The following GLI1 variants were observed in gnomAD, a reference collection of about 807,000 sequenced individuals.
GLI1 encodes the protein transcription activator GLI1.
A neutral mutation model predicts 87.8 loss-of-function variants in GLI1; 51 were observed. That is an observed-to-expected ratio of 0.58 (90% CI 0.46 to 0.73). The LOEUF is 0.73. GLI1 is among the 30% of genes least tolerant of loss of function. The pLI is 0.00. For synonymous variants in GLI1, 528 were observed against 558.2 expected, an observed-to-expected ratio of 0.95 and a Z score of 0.76; for missense variants, 1,292 against 1,437.2, an observed-to-expected ratio of 0.90 and a Z score of 1.63.
Position 57,466,233 on chromosome 12 carries a change from C to A in GLI1, c.763-7C>A, listed in dbSNP as rs1218899868. The stretch of plus-strand genomic sequence containing the variant: ...GCCTTGGAGAGCCTTTGTATCTTCT[C>A]CCTCAGCACATCAACAGCGAGCACA... On this transcript the variant is annotated splice_polypyrimidine_tract_variant and splice_region_variant and intron_variant, in intron 7 of 11. Coordinates refer to ENST00000228682, the MANE Select transcript of GLI1 (RefSeq NM_005269.3). 6.2e-7 allele frequency: 1 copy of A among 1,610,958 alleles called. No individual in the cohort carries two copies. The highest frequency in any genetic ancestry group is 1.7e-4 in the Middle Eastern group (1 of 6,034).
At chr12:57,464,309 G>A (rs1369003630) in intron 3 of GLI1, among the ~76,000 whole-genome samples, 2 of 152,160 alleles carry the variant, frequency 1.3e-5, no homozygotes, top group African/African-American at 2.4e-5. Context: ...ATCGCTTGAG[G>A]TCGGGAATTC....
At position 57,467,347 on chromosome 12, in the gene GLI1, G is replaced by A. The variant is rs780675361; in HGVS notation, c.927G>A (p.Arg309=). The A allele has an allele frequency of 2.9e-5, 47 of 1,608,744 alleles. No homozygotes were observed. In the South Asian group the frequency reaches 4.9e-4, roughly 17 times the overall value. ...ATGTCCCCCAGTTTGAAGGGTGCCG[G>A]AAGTCATACTCACGCCTCGAAAACC... ...KPHKCTFEGC[R]KSYSRLENLK... The change falls in exon 9 of 12, where the codon CGG becomes CGA. Residue 309 remains arginine, a synonymous_variant. Coordinates refer to ENST00000228682, the MANE Select transcript of GLI1 (RefSeq NM_005269.3).
At position 57,471,992 on chromosome 12, in the gene GLI1, T is replaced by C; in HGVS notation, c.3252T>C (p.Ala1084=). The change falls in exon 12 of 12, where the codon GCT becomes GCC. Residue 1084 remains alanine, a synonymous_variant. Transcript: ENST00000228682. The surrounding 1 kb of genome is among the most constrained non-coding windows in gnomAD (Gnocchi z 4.9). ...TPPPSGPPNM[A]VGNMSVLLRS... ...CTCCCTCTGGGCCCCCCAACATGGC[T>C]GTGGGCAACATGAGTGTCTTACTGA... 3 of 1,575,436 alleles carry C rather than the reference T, an allele frequency of 1.9e-6. No individual in the cohort carries two copies. Among genetic ancestry groups the C allele is most frequent in the Non-Finnish European group, 2.6e-6 (3 of 1,163,486 alleles).
At chr12:57,461,379 G>C (rs935223534) in intron 1 of GLI1, among the ~76,000 whole-genome samples, 2 of 152,000 alleles carry the variant, frequency 1.3e-5, no homozygotes, top group Admixed American at 1.3e-4. Context: ...GTCACCAGGG[G>C]GTTCCCGGGG....
At chr12:57,468,434 C>T (rs1281449134) in intron 10 of GLI1, among the ~76,000 whole-genome samples, 2 of 151,874 alleles carry the variant, frequency 1.3e-5, no homozygotes. Flanking sequence ...CTCTTTCTCT[C>T]TCTCCTTCCT....
intron 8 of GLI1, among the ~76,000 whole-genome samples, chr12:57,466,839 G>A (rs11837270): frequency 0.062 from 9,439 of 152,168 alleles, 631 homozygotes; most frequent in African/African-American, 0.16. Flanking sequence ...AGGAGGTGGA[G>A]GTTGCAGTGA....
At position 57,470,405 on chromosome 12, in the gene GLI1, C is replaced by G. The variant is rs757646785; in HGVS notation, c.1665C>G (p.Val555=). The stretch of plus-strand genomic sequence containing the variant: ...GCAGCATCAGCTCTGCCTATACTGT[C>G]AGCCGCCGCTCCTCCCTGGCCTCTC... ...SSSSISSAYT[V]SRRSSLASPF... Residue 555 remains valine (V), a synonymous_variant, in exon 12 of 12, where the codon GTC becomes GTG. Coordinates refer to ENST00000228682, the MANE Select transcript of GLI1 (RefSeq NM_005269.3). 6.2e-7 allele frequency: 1 copy of G among 1,613,910 alleles called. No individual in the cohort carries two copies. The highest frequency in any genetic ancestry group is 2.2e-5 in the East Asian group (1 of 44,888).
chr12:57,471,030 A>G lies in GLI1; in HGVS notation c.2290A>G (p.Asn764Asp), dbSNP rs1871879577. ...GPGPPTNYGP[N>D]PCPQQASYPD... is the part of the protein sequence containing the mutation. ...TGGTCCACCCACCAACTATGGCCCC[A>G]ACCCCTGTCCCCAGCAGGCCTCATA... The change falls in exon 12 of 12, where the codon AAC becomes GAC. Residue 764 changes from asparagine (N) to aspartate (D), a missense_variant. Physicochemically the swap from Asn to Asp is conservative, Grantham distance 23. Around this residue, in one of 3 missense-constraint regions of GLI1, gnomAD observed 897 missense variants for 1,040.7 expected, o/e 0.86. Transcript: ENST00000228682. The surrounding 1 kb of genome is among the most constrained non-coding windows in gnomAD (Gnocchi z 4.9). The G allele has an allele frequency of 6.2e-7, 1 of 1,610,564 alleles. No homozygotes were observed. The highest frequency in any genetic ancestry group is 8.5e-7 in the Non-Finnish European group (1 of 1,178,258).
In GLI1 at chr12:57,465,263, T is replaced by TC. The variant is rs1194833814; in HGVS notation, c.534+12dup. The TC allele has an allele frequency of 6.3e-7, 1 of 1,586,958 alleles. No homozygotes were observed. On this transcript the variant is annotated intron_variant, in intron 5 of 11. Transcript: ENST00000228682. Reference sequence around the variant, plus strand: ...CCCTTCCCAACTTGCCAGGTGAGAGTCCCCATATTGCTACCTGATTTCCCT... The same window carrying TC: ...CCCTTCCCAACTTGCCAGGTGAGAGTCCCCCATATTGCTACCTGATTTCCCT...
Position 57,471,639 on chromosome 12 carries a change from C to T in GLI1, c.2899C>T (p.Pro967Ser), listed in dbSNP as rs750955978. The change falls in exon 12 of 12, where the codon CCT (proline) becomes TCT (serine). Residue 967 changes from proline to serine, a missense_variant. Physicochemically the swap from Pro to Ser is moderately conservative, Grantham distance 74. This residue lies in a region of GLI1 where 897 missense variants were observed against 1,040.7 expected (regional missense o/e 0.86). Coordinates refer to ENST00000228682, the MANE Select transcript of GLI1 (RefSeq NM_005269.3). This position sits in a 1 kb window ranked among gnomAD's most constrained non-coding sequence, Gnocchi z 4.9. ...PNHKSGSYPT[P>S]SPCHENFVVG... ...TCACAAGTCAGGTTCCTATCCCACC[C>T]CTTCACCATGCCATGAAAATTTTGT... 9.3e-6 allele frequency: 15 copies of T among 1,613,502 alleles called. No homozygotes were observed. The highest frequency in any genetic ancestry group is 1.7e-5 in the Admixed American group (1 of 59,902).
In GLI1 at chr12:57,466,295, G is replaced by C. The variant is rs1486673896; in HGVS notation, c.818G>C (p.Gly273Ala). ...CGGAAGGAGTTCGTGTGCCACTGGG[G>C]GGGCTGCTCCAGGGAGCTGAGGCCC... ...GERKEFVCHW[G>A]GCSRELRPFK... The change falls in exon 8 of 12, where the codon GGG becomes GCG. Residue 273 changes from glycine to alanine, a missense_variant. Gly to Ala is a moderately conservative substitution (Grantham distance 60). This residue lies in a region of GLI1 where 383 missense variants were observed against 368.4 expected (regional missense o/e 1.04). Coordinates refer to ENST00000228682, the MANE Select transcript of GLI1 (RefSeq NM_005269.3). 1 of 1,614,048 alleles carries C rather than the reference G, an allele frequency of 6.2e-7. No homozygotes were observed. Among genetic ancestry groups the C allele is most frequent in the Non-Finnish European group, 8.5e-7 (1 of 1,179,970 alleles).
rs1031327628 is a variant in GLI1 at position 57,472,205 on chromosome 12, G to A, written c.*144G>A. ...TGGGGGCTATGTATAGTCTGTATAC[G>A]TTTTGAGGAGAAATTTGATAATGAC... On this transcript the variant is annotated 3_prime_UTR_variant, in exon 12 of 12. Coordinates refer to ENST00000228682, the MANE Select transcript of GLI1 (RefSeq NM_005269.3). 8 of 626,382 alleles carry A rather than the reference G, an allele frequency of 1.3e-5. No individual in the cohort carries two copies. The highest frequency in any genetic ancestry group is 4.6e-5 in the South Asian group (2 of 43,016). The allele number at this position is 626,382 out of a possible 1,614,324, so 38.8% of individuals were successfully genotyped here. A position where few individuals can be genotyped will look rare whatever the true frequency, so the allele number is the denominator to read the frequency against.
chr12:57,464,153 A>G, intron 3 of GLI1, 62 bp downstream of exon 3: 1 of 1,090,638 alleles, frequency 9.2e-7, no homozygotes, highest in Non-Finnish European at 1.4e-6. Flanking sequence ...TGAAAGAGAA[A>G]GTGGGAGGGC....
At position 57,465,606 on chromosome 12, in the gene GLI1, G is replaced by A. The variant is rs773211955; in HGVS notation, c.535-1G>A. 2 of 1,613,214 alleles carry A rather than the reference G, an allele frequency of 1.2e-6. No individual in the cohort carries two copies. On this transcript the variant is annotated splice_acceptor_variant, in intron 5 of 11. Coordinates refer to ENST00000228682, the MANE Select transcript of GLI1 (RefSeq NM_005269.3). LOFTEE classifies it high-confidence loss of function. ...CACCGTCACCTCTTCCCCTGGGGAA[G>A]CTGAAGTCTGAGCTGGACATGCTGG...
intron 8 of GLI1, among the ~76,000 whole-genome samples, chr12:57,466,890 C>A (rs1871524275): frequency 4.6e-5 from 7 of 151,862 alleles, no homozygotes; most frequent in Admixed American, 4.6e-4. Flanking sequence ...GGCGACAGAG[C>A]AAAACTCCGC....
rs1594745073 is a variant in GLI1 at position 57,466,113 on chromosome 12, A to G, written c.763-127A>G. 6 of 1,102,358 alleles carry G rather than the reference A, an allele frequency of 5.4e-6. No individual in the cohort carries two copies. In the Admixed American group the frequency reaches 1.3e-4, roughly 24 times the overall value. 68.3% of individuals were successfully genotyped at this position (1,102,358 alleles called of 1,614,324 possible). A position where few individuals can be genotyped will look rare whatever the true frequency, so the allele number is the denominator to read the frequency against. On this transcript the variant is annotated intron_variant, in intron 7 of 11. Transcript: ENST00000228682. ...TGGAAGACCTGAGATGTGAGATATG[A>G]TATTGCTCCTGCCTCTTCCTCCTTG...
At chr12:57,463,872 C>T (rs1871308790) in intron 2 of GLI1, 81 bp downstream of exon 2, 4 of 995,478 alleles carry the variant, frequency 4.0e-6, no homozygotes, top group Non-Finnish European at 6.3e-6. Flanking sequence ...ATGCCAGTTT[C>T]CTATCTACAG....
Position 57,469,718 on chromosome 12 carries a change from G to A in GLI1, c.1576+20G>A, listed in dbSNP as rs1471362026. The stretch of plus-strand genomic sequence containing the variant: ...ACACCGGTGAGACCTGGGTGTGGGA[G>A]GTGTGGCTGGGGTGAGATCTGGACC... On this transcript the variant is annotated intron_variant, in intron 11 of 11. Coordinates refer to ENST00000228682, the MANE Select transcript of GLI1 (RefSeq NM_005269.3). The A allele has an allele frequency of 6.2e-7, 1 of 1,608,356 alleles. No homozygotes were observed. Among genetic ancestry groups the A allele is most frequent in the East Asian group, 2.2e-5 (1 of 44,772 alleles).
chr12:57,471,661 T>C lies in GLI1; in HGVS notation c.2921T>C (p.Phe974Ser). 1 of 1,611,556 alleles carries C rather than the reference T, an allele frequency of 6.2e-7. No homozygotes were observed. The highest frequency in any genetic ancestry group is 8.5e-7 in the Non-Finnish European group (1 of 1,178,910). ...ACCCCTTCACCATGCCATGAAAATT[T>C]TGTAGTGGGGGCAAATAGGGCTTCA... ...YPTPSPCHEN[F>S]VVGANRASHR... The change falls in exon 12 of 12, where the codon TTT becomes TCT. Residue 974 changes from phenylalanine (F) to serine (S), a missense_variant. By Grantham distance (155) the Phe-to-Ser change is radical. Around this residue, in one of 3 missense-constraint regions of GLI1, gnomAD observed 897 missense variants for 1,040.7 expected, o/e 0.86. Coordinates refer to ENST00000228682, the MANE Select transcript of GLI1 (RefSeq NM_005269.3). The surrounding 1 kb of genome is among the most constrained non-coding windows in gnomAD (Gnocchi z 4.9).
Sources: allele counts gnomAD v4.1 joint callset (sites outside exome capture counted in the v4.1 genomes callset), GRCh38; gene constraint gnomAD v4.1.1; regional missense constraint gnomAD v4.1.1; non-coding constraint Gnocchi (gnomAD v3.1); transcripts MANE v1.5; gene names NCBI Gene and HGNC (gene_info 2026-07-23, HGNC 2026-07-21).